Variants in CDC42 observed in about 807,000 individuals in gnomAD.
CDC42 encodes the protein cell division control protein 42 homolog.
A neutral mutation model predicts 20.8 loss-of-function variants in CDC42; 1 was observed. That is an observed-to-expected ratio of 0.05 (90% CI 0.02 to 0.23). The LOEUF is 0.23. Ranked by LOEUF, CDC42 falls within the 10% of genes least tolerant of loss-of-function variation. CDC42 has a pLI of 1.00. For missense variants in CDC42, 49 were observed against 227.9 expected (o/e 0.21, Z 5.05); for synonymous variants, 72 against 84.8 (o/e 0.85, Z 0.83).
intron 1 of CDC42, among the ~76,000 whole-genome samples, chr1:22,058,892 G>A (rs1645332690): frequency 6.6e-6 from 1 of 152,056 alleles, no homozygotes; most frequent in Admixed American, 6.6e-5. Context: ...ATAGCTCACT[G>A]TAACCTTGAA....
chr1:22,056,106 G>A lies in CDC42; in HGVS notation c.-51+3364G>A, dbSNP rs16826233. Among the ~76,000 whole-genome samples, 1,191 of 152,254 alleles carry A rather than the reference G, an allele frequency of 7.8e-3. 46 individuals are homozygous for A. Among genetic ancestry groups the A allele is most frequent in the Admixed American group, 0.07 (1,068 of 15,270 alleles). ...GAGGGCAGGGCTTTGGCCTGGCATG[G>A]TCACCCCATTGCTAATGCCTAGAAT... On this transcript the variant is annotated intron_variant, in intron 1 of 5. Transcript: ENST00000656825.
chr1:22,054,789 G>A (rs1340867877), intron 1 of CDC42, among the ~76,000 whole-genome samples: 2 of 149,864 alleles, frequency 1.3e-5, no homozygotes, highest in African/African-American at 2.5e-5. Flanking sequence ...TATAAAATTG[G>A]AACACATCTG....
rs1292894404 is a variant in CDC42 at position 22,097,660 on chromosome 1, G to A, written c.*6143G>A. On this transcript the variant is annotated 3_prime_UTR_variant, in exon 6 of 6. Transcript: ENST00000656825. ...GTTTTGCTGCCATCAGGTAATTTGTGCATTAGAACTAGCTTGGAACAGAAT... is the reference window on the plus strand; with the variant it reads ...GTTTTGCTGCCATCAGGTAATTTGTACATTAGAACTAGCTTGGAACAGAAT... Among the ~76,000 whole-genome samples, 1 of 152,190 alleles carries A rather than the reference G, an allele frequency of 6.6e-6. No individual in the cohort carries two copies. The highest frequency in any genetic ancestry group is 1.9e-4 in the East Asian group (1 of 5,196).
chr1:22,088,292 G>T (rs2268179), intron 5 of CDC42, among the ~76,000 whole-genome samples: 23,574 of 152,224 alleles, frequency 0.15, 2,678 homozygotes, highest in East Asian at 0.51. Flanking sequence ...CTAGATATGG[G>T]TTGCTTTGAG....
chr1:22,088,304 G>T (rs1483415373), intron 5 of CDC42, among the ~76,000 whole-genome samples: 1 of 152,224 alleles, frequency 6.6e-6, no homozygotes, highest in Non-Finnish European at 1.5e-5. Context: ...TGCTTTGAGG[G>T]AAGACACATA....
intron 5 of CDC42, chr1:22,090,613 T>C (rs1336367413): frequency 1.0e-6 from 1 of 985,550 alleles, no homozygotes; most frequent in Non-Finnish European, 1.2e-6. Context: ...TATCTGCTAC[T>C]GCTTTATGAG....
intron 5 of CDC42, among the ~76,000 whole-genome samples, chr1:22,088,555 A>T (rs1645685344): frequency 6.6e-6 from 1 of 152,242 alleles, no homozygotes; most frequent in Non-Finnish European, 1.5e-5. Flanking sequence ...TTTGAGGCTT[A>T]CAGATTCTGT....
chr1:22,072,498 T>C (rs1470254889), intron 1 of CDC42, among the ~76,000 whole-genome samples: 2 of 152,050 alleles, frequency 1.3e-5, no homozygotes, highest in African/African-American at 4.8e-5. Flanking sequence ...GGGATTCAGG[T>C]GACCTGCTTT....
At chr1:22,091,340 C>G (rs1258979803) in intron 5 of CDC42, 88 bp from the exon 6 acceptor site, 14 of 792,438 alleles carry the variant, frequency 1.8e-5, no homozygotes, top group Non-Finnish European at 2.6e-5. Flanking sequence ...TTTGCCAACT[C>G]TTGGGGGTTT....
intron 1 of CDC42, among the ~76,000 whole-genome samples, chr1:22,066,864 G>C (rs1380145863): frequency 6.6e-6 from 1 of 152,216 alleles, no homozygotes; most frequent in Non-Finnish European, 1.5e-5. Flanking sequence ...GGGAGTTTGA[G>C]ACCAGCTTGA....
intron 1 of CDC42, chr1:22,053,150 T>A (rs1445939899): frequency 2.7e-5 from 4 of 150,904 alleles, no homozygotes; most frequent in South Asian, 2.1e-4. Context: ...TCGCGGGCGC[T>A]TGGGCCGGGC....
intron 5 of CDC42, among the ~76,000 whole-genome samples, chr1:22,091,061 T>G (rs1337058034): frequency 6.6e-6 from 1 of 152,242 alleles, no homozygotes; most frequent in Non-Finnish European, 1.5e-5. Context: ...CTGTTTCATT[T>G]GAATGCAGAG....
rs1557912320 is a variant in CDC42 at position 22,096,789 on chromosome 1, AT to A, written c.*5275del. Among the ~76,000 whole-genome samples the A allele has an allele frequency of 6.6e-6, 1 of 152,246 alleles. No individual in the cohort carries two copies. Among genetic ancestry groups the A allele is most frequent in the Non-Finnish European group, 1.5e-5 (1 of 68,052 alleles). The stretch of plus-strand genomic sequence containing the variant: ...GATACTTTATGAACGACTTGTAATA[AT>A]TTAGTGATTTTATTTTCCAAAGCAA... On this transcript the variant is annotated 3_prime_UTR_variant, in exon 6 of 6. Coordinates refer to ENST00000656825, the MANE Select transcript of CDC42 (RefSeq NM_001791.4).
intron 5 of CDC42, 150 bp downstream of exon 5, chr1:22,087,016 G>C (rs1252433844): frequency 3.0e-6 from 2 of 668,854 alleles, no homozygotes; most frequent in Non-Finnish European, 5.2e-6. Flanking sequence ...TCTTTTGTTA[G>C]AGGCCTCTGT....
chr1:22,093,747 T>G lies in CDC42; in HGVS notation c.*2230T>G, dbSNP rs1251855898. On this transcript the variant is annotated 3_prime_UTR_variant, in exon 6 of 6. Transcript: ENST00000656825. ...CCTTGTTGACTATACTAGGGAGAGA[T>G]ACCTGGATCATGTGATACCCTGGAA... Among the ~76,000 whole-genome samples the G allele has an allele frequency of 6.6e-6, 1 of 152,242 alleles. No homozygotes were observed.
rs146436471 is a variant in CDC42, at chr1:22,083,909, C to G, written c.178+2115C>G. ...TAAATGGAACCATACAATATGTAGT[C>G]TTTTGTGTGACTATTTTTACATAGC... On this transcript the variant is annotated intron_variant, in intron 3 of 5. Coordinates refer to ENST00000656825, the MANE Select transcript of CDC42 (RefSeq NM_001791.4). Among the ~76,000 whole-genome samples the G allele has an allele frequency of 2.9e-3, 449 of 152,238 alleles. 3 individuals carry two copies. The highest frequency in any genetic ancestry group is 0.01 in the African/African-American group (436 of 41,546).
chr1:22,090,204 AT>A, intron 5 of CDC42: 2 of 1,280,142 alleles, frequency 1.6e-6, no homozygotes, highest in Non-Finnish European at 2.0e-6. Flanking sequence ...TATCATATAA[AT>A]TTTTTGTGAT....
intron 1 of CDC42, among the ~76,000 whole-genome samples, chr1:22,064,823 C>T (rs956962734): frequency 2.0e-5 from 3 of 152,074 alleles, no homozygotes; most frequent in South Asian, 2.1e-4. Context: ...ATTAAAGGCA[C>T]TTGCCACCAC....
At position 22,054,702 on chromosome 1, in the gene CDC42, A is replaced by G. The variant is rs1010159027; in HGVS notation, c.-51+1960A>G. On this transcript the variant is annotated intron_variant, in intron 1 of 5. Coordinates refer to ENST00000656825, the MANE Select transcript of CDC42 (RefSeq NM_001791.4). ...AGGCAGCTTTCTGTAGTGTGTAGGC[A>G]TTACAGACCATTGGATAGGTGTGGA... Among the ~76,000 whole-genome samples the G allele has an allele frequency of 4.6e-5, 7 of 152,002 alleles. No individual in the cohort carries two copies. The East Asian group carries it at 1.2e-3, about 25-fold the overall frequency.
Sources: gnomAD v4.1 joint callset for allele counts (sites outside exome capture counted in the v4.1 genomes callset) on GRCh38, gnomAD v4.1.1 for gene constraint, MANE v1.5 for transcripts, NCBI Gene and HGNC (gene_info 2026-07-23, HGNC 2026-07-21) for gene names.